Variants in COL6A6 observed in about 807,000 individuals in gnomAD.
COL6A6 encodes the protein collagen alpha-6(VI) chain.
A neutral mutation model predicts 208.6 loss-of-function variants in COL6A6; 183 were observed. The observed-to-expected ratio is 0.88, with a 90% CI of 0.78 to 0.99. The LOEUF (loss-of-function observed/expected upper bound fraction) is 0.99, where lower values mean the gene tolerates loss of function less well. Among genes scored for constraint, COL6A6 ranks in the 50% least tolerant of loss-of-function variants. The probability of loss-of-function intolerance (pLI) is 0.00; values close to 1 mark genes in which losing one functional copy is unlikely to be tolerated. For missense variants in COL6A6, 2,816 were observed against 2,815.2 expected, an observed-to-expected ratio of 1.00 and a Z score of -0.01; for synonymous variants, 973 against 1,011.8, an observed-to-expected ratio of 0.96 and a Z score of 0.73.
intron 5 of COL6A6, 73 bp from the exon 6 acceptor site, chr3:130,567,974 T>C: frequency 8.9e-7 from 1 of 1,129,066 alleles, no homozygotes; most frequent in Non-Finnish European, 1.3e-6. Flanking sequence ...ATTTGTGTTT[T>C]GGATTTTCCT....
In COL6A6 at chr3:130,634,636, C is replaced by G. The variant is rs201110246; in HGVS notation, c.5028+11C>G. On this transcript the variant is annotated intron_variant, in intron 27 of 36. Transcript: ENST00000358511. ...GAAAGTGGACCTAAGGTACCGTGTG[C>G]TTCCTAGTAACTAGAGATCAGTCAG... 1.2e-6 allele frequency: 2 copies of G among 1,601,708 alleles called. No homozygotes were observed. Among genetic ancestry groups the G allele is most frequent in the Non-Finnish European group, 1.7e-6 (2 of 1,172,238 alleles).
rs558364154 is a variant in COL6A6, at chr3:130,606,862, A to G, written c.4654-69A>G. On this transcript the variant is annotated intron_variant, in intron 20 of 36. Coordinates refer to ENST00000358511, the MANE Select transcript of COL6A6 (RefSeq NM_001102608.3). Reference sequence around the variant, plus strand: ...ATGTTGGTGCCTTAAAGTGTCCATTATGAATTTAAATCATATATAAAAAGC... The same window carrying G: ...ATGTTGGTGCCTTAAAGTGTCCATTGTGAATTTAAATCATATATAAAAAGC... 5 of 1,242,408 alleles carry G rather than the reference A, an allele frequency of 4.0e-6. No homozygotes were observed. In the East Asian group the frequency reaches 1.2e-4, roughly 30 times the overall value. 77.0% of individuals were successfully genotyped at this position (1,242,408 alleles called of 1,614,324 possible).
chr3:130,588,773 A>G (rs2063601159), intron 11 of COL6A6, among the ~76,000 whole-genome samples: 1 of 152,210 alleles, frequency 6.6e-6, no homozygotes, highest in South Asian at 2.1e-4. Flanking sequence ...GAGATGGGGC[A>G]GGGACAGACA....
chr3:130,585,333 TACAG>T (rs1405208463), intron 10 of COL6A6, among the ~76,000 whole-genome samples: 3 of 152,206 alleles, frequency 2.0e-5, no homozygotes, highest in African/African-American at 7.2e-5. Context: ...AAATACCACT[TACAG>T]GCAGTCATTT....
chr3:130,586,758 T>C, intron 11 of COL6A6, 98 bp downstream of exon 11: 1 of 1,237,454 alleles, frequency 8.1e-7, no homozygotes, highest in Non-Finnish European at 1.1e-6. Context: ...CTGTGTTTAT[T>C]TGGGAGTGAA....
chr3:130,561,313 C>G (rs948589663), intron 2 of COL6A6, among the ~76,000 whole-genome samples: 14 of 152,228 alleles, frequency 9.2e-5, no homozygotes, highest in Admixed American at 8.5e-4. Context: ...TTTCAGGCTT[C>G]TTTGGGAGGA....
intron 1 of COL6A6, among the ~76,000 whole-genome samples, chr3:130,549,912 C>T (rs1166655957): frequency 6.6e-6 from 1 of 152,140 alleles, no homozygotes; most frequent in Non-Finnish European, 1.5e-5. Flanking sequence ...TTTCCTCATT[C>T]TCTGAAGAAT....
At position 130,599,885 on chromosome 3, in the gene COL6A6, G is replaced by A. The variant is rs1019206703; in HGVS notation, c.4653+75G>A. On this transcript the variant is annotated intron_variant, in intron 20 of 36. Coordinates refer to ENST00000358511, the MANE Select transcript of COL6A6 (RefSeq NM_001102608.3). ...GTGGTGAAAATGGCTGACTTTGGGG[G>A]AGTGGGTGGGATGGTTCTGCTGGAG... 7 of 1,378,398 alleles carry A rather than the reference G, an allele frequency of 5.1e-6. No homozygotes were observed. In the African/African-American group the frequency reaches 8.5e-5, roughly 17 times the overall value. 85.4% of individuals were successfully genotyped at this position (1,378,398 alleles called of 1,614,324 possible).
chr3:130,641,176 A>T (rs12495609), intron 28 of COL6A6, among the ~76,000 whole-genome samples: 21 of 150,250 alleles, frequency 1.4e-4, no homozygotes, highest in African/African-American at 4.8e-4. Flanking sequence ...CCTGTTGCCT[A>T]TTGCAGCAAC....
At chr3:130,578,773 C>T (rs74650665) in intron 8 of COL6A6, among the ~76,000 whole-genome samples, 3,853 of 152,244 alleles carry the variant, frequency 0.025, 187 homozygotes, top group African/African-American at 0.088. Flanking sequence ...GCAGGAAATG[C>T]TGAAGGGACC....
At chr3:130,589,778 T>C (rs2108054099) in intron 12 of COL6A6, among the ~76,000 whole-genome samples, 1 of 152,328 alleles carries the variant, frequency 6.6e-6, no homozygotes, top group African/African-American at 2.4e-5. Flanking sequence ...TGTGAAAATA[T>C]TATTTTGAAC....
intron 23 of COL6A6, 106 bp downstream of exon 23, chr3:130,610,817 C>T (rs750051383): frequency 3.4e-5 from 27 of 789,846 alleles, no homozygotes; most frequent in African/African-American, 2.5e-4. Flanking sequence ...GAACCAGGAA[C>T]GTGTATTAGG....
Position 130,581,592 on chromosome 3 carries a change from TGTCTC to T in COL6A6, c.3580_3584del (p.Val1194AsnfsTer10). 6.8e-6 allele frequency: 11 copies of T among 1,612,370 alleles called. No individual in the cohort carries two copies. The highest frequency in any genetic ancestry group is 8.5e-6 in the Non-Finnish European group (10 of 1,178,786). On this transcript the variant is annotated frameshift_variant, in exon 9 of 37. Coordinates refer to ENST00000358511, the MANE Select transcript of COL6A6 (RefSeq NM_001102608.3). LOFTEE classifies it high-confidence loss of function. ...TCGTGGATGTTGTGGTGGGATTTGA[TGTCTC>T]AACTCAGGAGAAAGGGCAGACTTTG...
At chr3:130,662,428 G>C in intron 35 of COL6A6, 120 bp downstream of exon 35, 2 of 875,924 alleles carry the variant, frequency 2.3e-6, no homozygotes, top group Non-Finnish European at 3.5e-6. Context: ...GGGCACTTCA[G>C]GGTCAGAAAG....
intron 28 of COL6A6, among the ~76,000 whole-genome samples, chr3:130,640,896 A>G (rs2065287793): frequency 6.6e-6 from 1 of 151,940 alleles, no homozygotes; most frequent in South Asian, 2.1e-4. Context: ...GTTACCTACC[A>G]CTCCATTTAG....
intron 11 of COL6A6, among the ~76,000 whole-genome samples, chr3:130,588,646 T>C (rs567376297): frequency 2.9e-4 from 44 of 152,290 alleles, no homozygotes; most frequent in Non-Finnish European, 5.9e-4. Flanking sequence ...GTCTAAATTC[T>C]CTAGCATACC....
chr3:130,534,922 TG>T (rs2062188162), intron 1 of COL6A6, among the ~76,000 whole-genome samples: 1 of 150,676 alleles, frequency 6.6e-6, no homozygotes, highest in Non-Finnish European at 1.5e-5. Context: ...TTTCCTACTA[TG>T]TTATAGTAGC....
intron 11 of COL6A6, among the ~76,000 whole-genome samples, chr3:130,587,959 T>A (rs140236907): frequency 3.3e-5 from 5 of 152,336 alleles, no homozygotes; most frequent in African/African-American, 1.2e-4. Context: ...AGTTTTTGTA[T>A]ATCATATAAA....
At chr3:130,531,662 C>T (rs2062099384) in intron 1 of COL6A6, among the ~76,000 whole-genome samples, 2 of 152,268 alleles carry the variant, frequency 1.3e-5, no homozygotes, top group African/African-American at 4.8e-5. Flanking sequence ...TTCTTATAGT[C>T]TCATAGGCCT....
Sources: allele counts gnomAD v4.1 joint callset (sites outside exome capture counted in the v4.1 genomes callset), GRCh38; gene constraint gnomAD v4.1.1; transcripts MANE v1.5; gene names NCBI Gene and HGNC (gene_info 2026-07-23, HGNC 2026-07-21).